The following TRABD2B variants were observed in gnomAD, a reference collection of about 807,000 sequenced individuals.
TRABD2B encodes metalloprotease TIKI2.
TRABD2B carries 14 observed loss-of-function variants against 40.1 expected under a neutral mutation model. The ratio of observed to expected loss-of-function variants is 0.35; its 90% CI spans 0.23 to 0.55. The LOEUF (loss-of-function observed/expected upper bound fraction) is 0.55, where lower values mean the gene tolerates loss of function less well. Ranked by LOEUF, TRABD2B falls within the 20% of genes least tolerant of loss-of-function variation. TRABD2B has a pLI of 0.90. For synonymous variants in TRABD2B, 263 were observed against 277.0 expected, an observed-to-expected ratio of 0.95 and a Z score of 0.50; for missense variants, 541 against 648.6, an observed-to-expected ratio of 0.83 and a Z score of 1.80.
chr1:47,797,355 G>C (rs1644762315), intron 3 of TRABD2B, among the ~76,000 whole-genome samples: 1 of 152,204 alleles, frequency 6.6e-6, no homozygotes, highest in Admixed American at 6.5e-5. Flanking sequence ...CCAGTGAAGG[G>C]TGGCTTTGGG....
At chr1:47,986,851 G>C (rs753821298) in intron 2 of TRABD2B, among the ~76,000 whole-genome samples, 1 of 152,216 alleles carries the variant, frequency 6.6e-6, no homozygotes, top group South Asian at 2.1e-4. Flanking sequence ...TCGGCGAGAC[G>C]GCTTGGCAGC....
At chr1:47,771,075 G>A (rs10890499) in intron 6 of TRABD2B, among the ~76,000 whole-genome samples, 3 of 152,054 alleles carry the variant, frequency 2.0e-5, no homozygotes, top group Admixed American at 6.5e-5. Flanking sequence ...CTTCTACCTC[G>A]AATCTGATGG....
chr1:47,870,799 A>T (rs1644130012), intron 2 of TRABD2B, among the ~76,000 whole-genome samples: 2 of 152,116 alleles, frequency 1.3e-5, no homozygotes, highest in South Asian at 4.1e-4. Context: ...GATGTGATGC[A>T]CTCTTAAACT....
chr1:47,928,915 C>T (rs546350533), intron 2 of TRABD2B, among the ~76,000 whole-genome samples: 7 of 152,192 alleles, frequency 4.6e-5, no homozygotes, highest in African/African-American at 1.7e-4. Flanking sequence ...ATTGATCTCC[C>T]AGGTAAAACC....
At chr1:47,909,050 GC>G (rs1644715177) in intron 2 of TRABD2B, among the ~76,000 whole-genome samples, 1 of 152,380 alleles carries the variant, frequency 6.6e-6, no homozygotes, top group African/African-American at 2.4e-5. Context: ...TTCCAGGCCA[GC>G]CTCCTGAGTG....
At chr1:47,946,888 G>C (rs1181994744) in intron 2 of TRABD2B, among the ~76,000 whole-genome samples, 1 of 151,240 alleles carries the variant, frequency 6.6e-6, no homozygotes, top group Non-Finnish European at 1.5e-5. Context: ...ACTCAATTGT[G>C]CTACACACAA....
At chr1:47,962,141 C>T (rs946783556) in intron 2 of TRABD2B, among the ~76,000 whole-genome samples, 10 of 151,316 alleles carry the variant, frequency 6.6e-5, no homozygotes, top group Non-Finnish European at 1.3e-4. Context: ...CATGTTCTCA[C>T]TCATAGGTGG....
intron 2 of TRABD2B, among the ~76,000 whole-genome samples, chr1:47,814,258 A>G (rs1021449672): frequency 3.9e-5 from 6 of 152,236 alleles, no homozygotes; most frequent in Non-Finnish European, 7.3e-5. Context: ...ATAGACCCAG[A>G]GCAGGGAGTC....
intron 2 of TRABD2B, among the ~76,000 whole-genome samples, chr1:47,909,049 A>T (rs1644715100): frequency 1.3e-5 from 2 of 152,246 alleles, no homozygotes; most frequent in African/African-American, 4.8e-5. Context: ...TTTCCAGGCC[A>T]GCCTCCTGAG....
In TRABD2B at chr1:47,844,605, C is replaced by T. The variant is rs542470927; in HGVS notation, c.667-42986G>A. ...GGCAAACCCAAGAGATGGGCAGACGCTCTGCTCCAAGGGTAAGGCAGAATG... is the reference window on the plus strand; with the variant it reads ...GGCAAACCCAAGAGATGGGCAGACGTTCTGCTCCAAGGGTAAGGCAGAATG... On this transcript the variant is annotated intron_variant, in intron 2 of 6. Coordinates refer to ENST00000606738, the MANE Select transcript of TRABD2B (RefSeq NM_001194986.2). Among the ~76,000 whole-genome samples the T allele has an allele frequency of 1.1e-4, 16 of 152,292 alleles. No homozygotes were observed. In the South Asian group the frequency reaches 3.3e-3, roughly 32 times the overall value.
At chr1:47,957,989 C>G (rs1645450030) in intron 2 of TRABD2B, among the ~76,000 whole-genome samples, 1 of 152,142 alleles carries the variant, frequency 6.6e-6, no homozygotes, top group East Asian at 1.9e-4. Flanking sequence ...AAGGGAAGCC[C>G]ATCAGACTAA....
intron 2 of TRABD2B, among the ~76,000 whole-genome samples, chr1:47,893,639 G>A (rs1178249343): frequency 6.6e-6 from 1 of 152,230 alleles, no homozygotes; most frequent in African/African-American, 2.4e-5. Flanking sequence ...GGGAGCCCTT[G>A]TGTTTGATTT....
intron 2 of TRABD2B, among the ~76,000 whole-genome samples, chr1:47,825,610 A>G (rs1645164170): frequency 6.6e-6 from 1 of 152,248 alleles, no homozygotes. Flanking sequence ...TCCTTGGCAC[A>G]GTTCCCAAAA....
intron 2 of TRABD2B, among the ~76,000 whole-genome samples, chr1:47,899,067 T>C (rs1644563080): frequency 6.6e-6 from 1 of 152,270 alleles, no homozygotes; most frequent in Non-Finnish European, 1.5e-5. Flanking sequence ...TGAGTCTTTC[T>C]GGATGTGAGA....
At chr1:47,814,157 T>C (rs1037896665) in intron 2 of TRABD2B, among the ~76,000 whole-genome samples, 2 of 152,006 alleles carry the variant, frequency 1.3e-5, no homozygotes, top group South Asian at 2.1e-4. Flanking sequence ...TGCAGAGGAA[T>C]GGGGGCTGCG....
rs1644560518 is a variant in TRABD2B at position 47,783,959 on chromosome 1, G to C, written c.989-5415C>G. Among the ~76,000 whole-genome samples the C allele has an allele frequency of 3.3e-5, 5 of 152,180 alleles. No individual in the cohort carries two copies. The South Asian group carries it at 1.0e-3, about 32-fold the overall frequency. On this transcript the variant is annotated intron_variant, in intron 4 of 6. Transcript: ENST00000606738. ...CTTTGTGCCTCAGTTTCCCCACATGGTGTTGGGCCCCATGGTCTCGGTCTC... is the reference window on the plus strand; with the variant it reads ...CTTTGTGCCTCAGTTTCCCCACATGCTGTTGGGCCCCATGGTCTCGGTCTC...
chr1:47,799,314 C>A, intron 3 of TRABD2B, among the ~76,000 whole-genome samples: 1 of 152,162 alleles, frequency 6.6e-6, no homozygotes, highest in East Asian at 1.9e-4. Context: ...GGGTCTCCCT[C>A]AGCAGATGAA....
At chr1:47,870,658 T>C (rs139364431) in intron 2 of TRABD2B, among the ~76,000 whole-genome samples, 1 of 152,282 alleles carries the variant, frequency 6.6e-6, no homozygotes, top group East Asian at 1.9e-4. Flanking sequence ...GACACAAAAA[T>C]GAATCAGTTG....
chr1:47,847,804 C>T (rs372646655), intron 2 of TRABD2B, among the ~76,000 whole-genome samples: 4 of 152,198 alleles, frequency 2.6e-5, no homozygotes, highest in Non-Finnish European at 4.4e-5. Context: ...ATAAATCGGC[C>T]GAGCTGTTCA....
Sources: allele counts gnomAD v4.1 joint callset (sites outside exome capture counted in the v4.1 genomes callset), GRCh38; gene constraint gnomAD v4.1.1; transcripts MANE v1.5; gene names NCBI Gene and HGNC (gene_info 2026-07-23, HGNC 2026-07-21).